Variants in PRPSAP2 observed in about 807,000 individuals in gnomAD.
PRPSAP2 encodes phosphoribosyl pyrophosphate synthase-associated protein 2.
PRPSAP2 carries 24 observed loss-of-function variants against 40.6 expected under a neutral mutation model. The observed-to-expected ratio is 0.59, with a 90% confidence interval of 0.43 to 0.83. The LOEUF is 0.83. Ranked by LOEUF, PRPSAP2 falls within the 40% of genes least tolerant of loss-of-function variation. The probability of loss-of-function intolerance (pLI) is 0.00; values close to 1 mark genes in which losing one functional copy is unlikely to be tolerated. For missense variants in PRPSAP2, 292 were observed against 465.6 expected, an observed-to-expected ratio of 0.63 and a Z score of 3.43; for synonymous variants, 149 against 164.7, an observed-to-expected ratio of 0.90 and a Z score of 0.73.
chr17:18,884,847 C>T (rs1280489145), intron 7 of PRPSAP2, among the ~76,000 whole-genome samples: 2 of 152,138 alleles, frequency 1.3e-5, no homozygotes, highest in Admixed American at 6.6e-5. Flanking sequence ...GGGTTGCTGT[C>T]GACATCTTGT....
Position 18,881,828 on chromosome 17 carries a change from C to T in PRPSAP2, c.413-740C>T, listed in dbSNP as rs376399078. Reference sequence around the variant, plus strand: ...GATTACAGGCGTGAGCCACTGTGCCCGGCCATGAGAGCAATTTTTTTTTTT... The same window carrying T: ...GATTACAGGCGTGAGCCACTGTGCCTGGCCATGAGAGCAATTTTTTTTTTT... On this transcript the variant is annotated intron_variant, in intron 6 of 11. Coordinates refer to ENST00000268835, the MANE Select transcript of PRPSAP2 (RefSeq NM_002767.4). Among the ~76,000 whole-genome samples, 14 of 149,086 alleles carry T rather than the reference C, an allele frequency of 9.4e-5. No homozygotes were observed. In the East Asian group the frequency reaches 1.8e-3, roughly 19 times the overall value.
rs1466073298 is a variant in PRPSAP2 at position 18,928,885 on chromosome 17, C to A, written c.879C>A (p.Ile293=). The A allele has an allele frequency of 1.9e-6, 3 of 1,614,140 alleles. No individual in the cohort carries two copies. Among genetic ancestry groups the A allele is most frequent in the Non-Finnish European group, 2.5e-6 (3 of 1,180,004 alleles). ...TGAAGGAAAGAGGTGCATATAAGAT[C>A]TTTGTGATGGCAACTCATGGCTTGT... ...ETLKERGAYK[I]FVMATHGLLS... The change falls in exon 11 of 12, where the codon ATC becomes ATA. Residue 293 remains isoleucine, a synonymous_variant. Coordinates refer to ENST00000268835, the MANE Select transcript of PRPSAP2 (RefSeq NM_002767.4).
chr17:18,923,337 A>T (rs1440581558), intron 9 of PRPSAP2, among the ~76,000 whole-genome samples: 1 of 141,024 alleles, frequency 7.1e-6, no homozygotes, highest in Non-Finnish European at 1.5e-5. Context: ...CGATCTCCTG[A>T]CCTCGTGATC....
At chr17:18,908,609 G>A in intron 8 of PRPSAP2, 1 of 724,584 alleles carries the variant, frequency 1.4e-6, no homozygotes, top group Non-Finnish European at 2.6e-6. Context: ...CCCAACATGG[G>A]TAGTGACCAT....
intron 10 of PRPSAP2, among the ~76,000 whole-genome samples, chr17:18,924,267 T>C (rs187516240): frequency 7.4e-4 from 112 of 152,284 alleles, no homozygotes; most frequent in African/African-American, 2.5e-3. Flanking sequence ...CTCAAGCTCC[T>C]GAACTTAAGT....
At chr17:18,884,381 C>T (rs1395241080) in intron 7 of PRPSAP2, among the ~76,000 whole-genome samples, 4 of 151,884 alleles carry the variant, frequency 2.6e-5, no homozygotes, top group Admixed American at 6.6e-5. Context: ...CTCTGTCACC[C>T]AGGTTGGAGT....
intron 3 of PRPSAP2, 152 bp from the exon 4 acceptor site, chr17:18,867,130 T>C: frequency 1.3e-6 from 1 of 783,556 alleles, no homozygotes; most frequent in Non-Finnish European, 2.0e-6. Context: ...AGGTAATGGA[T>C]TGATGTAACA....
intron 8 of PRPSAP2, among the ~76,000 whole-genome samples, chr17:18,898,091 C>T (rs981135596): frequency 5.3e-5 from 8 of 150,362 alleles, no homozygotes; most frequent in Admixed American, 2.0e-4. Flanking sequence ...CTCCGCCTCC[C>T]GGGTTCAAGT....
intron 1 of PRPSAP2, chr17:18,860,432 G>T (rs1394951695): frequency 6.6e-6 from 1 of 152,158 alleles, no homozygotes; most frequent in African/African-American, 2.4e-5. Flanking sequence ...TTGAAGTCAG[G>T]CATTATTCAG....
At position 18,883,940 on chromosome 17, in the gene PRPSAP2, C is replaced by CT. The variant is rs746873753; in HGVS notation, c.528+1268dup. On this transcript the variant is annotated intron_variant, in intron 7 of 11. Transcript: ENST00000268835. ...AAAGAGAAAAATGTAAAATATTCTG[C>CT]TTTTTTTTTTTCTTTAAAGTTACAC... Among the ~76,000 whole-genome samples the CT allele has an allele frequency of 1.5e-3, 221 of 146,608 alleles. 2 individuals carry two copies. The East Asian group carries it at 0.016, about 11-fold the overall frequency.
In PRPSAP2 at chr17:18,909,111, G is replaced by C. The variant is rs1022533642; in HGVS notation, c.585-1992G>C. Reference sequence around the variant, plus strand: ...CAATTGATAAACCTTTATCCAGACTGGTTAGGAGAAAACAAGACACAAATT... The same window carrying C: ...CAATTGATAAACCTTTATCCAGACTCGTTAGGAGAAAACAAGACACAAATT... On this transcript the variant is annotated intron_variant, in intron 8 of 11. Coordinates refer to ENST00000268835, the MANE Select transcript of PRPSAP2 (RefSeq NM_002767.4). Among the ~76,000 whole-genome samples the C allele has an allele frequency of 1.9e-4, 29 of 152,256 alleles. 1 individual carries two copies. Among genetic ancestry groups the C allele is most frequent in the Admixed American group, 1.4e-3 (22 of 15,284 alleles).
At chr17:18,906,372 C>T (rs1009915583) in intron 8 of PRPSAP2, among the ~76,000 whole-genome samples, 2 of 152,080 alleles carry the variant, frequency 1.3e-5, no homozygotes, top group African/African-American at 4.8e-5. Flanking sequence ...CGTGCTACCA[C>T]GCCCAGCTAA....
chr17:18,892,741 A>ATTTC (rs1252254393), intron 8 of PRPSAP2, among the ~76,000 whole-genome samples: 1 of 69,646 alleles, frequency 1.4e-5, no homozygotes, highest in Admixed American at 1.5e-4. Context: ...TTATTTATTT[A>ATTTC]TTTATTTTTT....
intron 7 of PRPSAP2, among the ~76,000 whole-genome samples, chr17:18,883,403 C>T (rs1018002316): frequency 1.0e-4 from 14 of 134,216 alleles, no homozygotes; most frequent in South Asian, 2.3e-4. Context: ...GTTTTTCTTT[C>T]TTTTTTTTTT....
intron 4 of PRPSAP2, among the ~76,000 whole-genome samples, chr17:18,867,585 A>G (rs2037525995): frequency 6.6e-6 from 1 of 152,190 alleles, no homozygotes; most frequent in Non-Finnish European, 1.5e-5. Context: ...AAAGCTGCAG[A>G]CATATTTGAA....
intron 8 of PRPSAP2, among the ~76,000 whole-genome samples, chr17:18,896,046 A>G (rs1245153135): frequency 6.6e-6 from 1 of 151,934 alleles, no homozygotes; most frequent in Non-Finnish European, 1.5e-5. Flanking sequence ...TCTAGAATTA[A>G]AAGTGTGAGC....
Position 18,917,607 on chromosome 17 carries a change from T to A in PRPSAP2, c.734-6307T>A, listed in dbSNP as rs1444680251. 83 of 123,980 alleles carry A rather than the reference T, an allele frequency of 6.7e-4. 1 individual carries two copies. Among genetic ancestry groups the A allele is most frequent in the African/African-American group, 1.3e-3 (43 of 33,552 alleles). The allele number at this position is 123,980 out of a possible 1,614,324, so 7.7% of individuals were successfully genotyped here. A position where few individuals can be genotyped will look rare whatever the true frequency, so the allele number is the denominator to read the frequency against. Reference sequence around the variant, plus strand: ...TTATTTTTTTTTTTTTTTTTTTTTTTTTTTTTTTTTTTAGTAGAGACAGGG... The same window carrying A: ...TTATTTTTTTTTTTTTTTTTTTTTTATTTTTTTTTTTTAGTAGAGACAGGG... On this transcript the variant is annotated intron_variant, in intron 9 of 11. Transcript: ENST00000268835.
rs948889483 is a variant in PRPSAP2 at position 18,930,187 on chromosome 17, G to A, written c.952-353G>A. 5.9e-5 allele frequency among the ~76,000 whole-genome samples: 9 copies of A among 152,104 alleles called. No individual in the cohort carries two copies. The South Asian group carries it at 6.2e-4, about 11-fold the overall frequency. ...GGAGGTCGAGACCATCCTGGCTAAC[G>A]CGGTGAAACCCCGTCTCTACTAAAA... On this transcript the variant is annotated intron_variant, in intron 11 of 11. Transcript: ENST00000268835.
chr17:18,896,153 A>G (rs572823425), intron 8 of PRPSAP2, among the ~76,000 whole-genome samples: 5 of 152,318 alleles, frequency 3.3e-5, no homozygotes, highest in South Asian at 4.1e-4. Context: ...AAATCTGAGC[A>G]TCAGATTCTA....
Sources: allele counts gnomAD v4.1 joint callset (sites outside exome capture counted in the v4.1 genomes callset), GRCh38; gene constraint gnomAD v4.1.1; transcripts MANE v1.5; gene names NCBI Gene and HGNC (gene_info 2026-07-23, HGNC 2026-07-21).